AHCY: variants seen among roughly 807,000 people sequenced by gnomAD.
AHCY encodes S-adenosyl-L-homocysteine hydrolase.
A neutral mutation model predicts 45.4 loss-of-function variants in AHCY; 24 were observed. The ratio of observed to expected loss-of-function variants is 0.53; its 90% confidence interval spans 0.38 to 0.74. The LOEUF (loss-of-function observed/expected upper bound fraction) is 0.74. Ranked by LOEUF, AHCY falls within the 30% of genes least tolerant of loss-of-function variation. AHCY has a pLI of 0.00. For synonymous variants in AHCY, 245 were observed against 235.1 expected, an observed-to-expected ratio of 1.04 and a Z score of -0.39; for missense variants, 449 against 594.1, an observed-to-expected ratio of 0.76 and a Z score of 2.54.
the AHCY span, among the ~76,000 whole-genome samples, chr20:34,247,879 G>A: frequency 2.6e-5 from 4 of 152,154 alleles, no homozygotes; most frequent in South Asian, 8.3e-4. Context: ...TTACAGGCAT[G>A]AGCCATGGTG....
the AHCY span, among the ~76,000 whole-genome samples, chr20:34,273,366 T>C: frequency 3.3e-5 from 5 of 152,166 alleles, no homozygotes; most frequent in African/African-American, 1.2e-4. Flanking sequence ...CTCTGACTGA[T>C]TTACTTTTCA....
the AHCY span, among the ~76,000 whole-genome samples, chr20:34,271,831 C>T: frequency 3.3e-5 from 5 of 152,098 alleles, no homozygotes; most frequent in African/African-American, 7.2e-5. Context: ...TCCCAAAGTT[C>T]TGGGATTACA....
intron 2 of AHCY, 36 bp downstream of exon 2, chr20:34,295,359 G>A: frequency 6.2e-7 from 1 of 1,612,438 alleles, no homozygotes; most frequent in Non-Finnish European, 8.5e-7. Context: ...CCCAGGGAGG[G>A]CAAGGACTCT....
At chr20:34,240,356 C>T in the AHCY span, among the ~76,000 whole-genome samples, 2 of 152,048 alleles carry the variant, frequency 1.3e-5, no homozygotes, top group African/African-American at 2.4e-5. Context: ...CCTCCTGGTC[C>T]CTAGACTCTG....
At chr20:34,299,622 C>A (rs765680590) in intron 1 of AHCY, among the ~76,000 whole-genome samples, 3 of 152,198 alleles carry the variant, frequency 2.0e-5, no homozygotes. Context: ...TCGATGTGAT[C>A]CAACTGCCTC....
intron 9 of AHCY, among the ~76,000 whole-genome samples, chr20:34,282,452 C>G (rs560606533): frequency 6.6e-6 from 1 of 152,304 alleles, no homozygotes; most frequent in East Asian, 1.9e-4. Flanking sequence ...TCTTGACCCA[C>G]AGAAACTGAA....
chr20:34,266,469 T>TA, the AHCY span, among the ~76,000 whole-genome samples: 1,919 of 152,108 alleles, frequency 0.013, 39 homozygotes, highest in African/African-American at 0.044. Context: ...GGTTAAGAGT[T>TA]AGAGACCAGC....
chr20:34,253,822 G>A, the AHCY span, among the ~76,000 whole-genome samples: 1 of 152,094 alleles, frequency 6.6e-6, no homozygotes, highest in Non-Finnish European at 1.5e-5. Context: ...CCATTTAAAT[G>A]ACAGGTTCAT....
Position 34,281,364 on chromosome 20 carries a change from G to A in AHCY, c.1168-199C>T, listed in dbSNP as rs756397182. Among the ~76,000 whole-genome samples, 5 of 152,276 alleles carry A rather than the reference G, an allele frequency of 3.3e-5. No individual in the cohort carries two copies. The South Asian group carries it at 8.3e-4, about 25-fold the overall frequency. Reference sequence around the variant, plus strand: ...CCAGCCCCCCTCAAAAGGGAACCATGCCACACCCTCCCCTACATGTGGCTT... The same window carrying A: ...CCAGCCCCCCTCAAAAGGGAACCATACCACACCCTCCCCTACATGTGGCTT... On this transcript the variant is annotated intron_variant, in intron 9 of 9. Transcript: ENST00000217426.
intron 1 of AHCY, 153 bp downstream of exon 1, chr20:34,303,090 C>A: frequency 1.0e-6 from 1 of 984,658 alleles, no homozygotes; most frequent in Non-Finnish European, 1.2e-6. Flanking sequence ...GCGAGAACTC[C>A]AACTTCCAGC....
Position 34,298,617 on chromosome 20 carries a change from G to GC in AHCY, c.29-3033_29-3032insG, listed in dbSNP as rs1296896736. 2.1e-5 allele frequency among the ~76,000 whole-genome samples: 3 copies of GC among 146,028 alleles called. No individual in the cohort carries two copies. In the East Asian group the frequency reaches 6.6e-4, roughly 32 times the overall value. ...GAAGTGGCGGCGGCGGGAGGGGGGG[G>GC]GGTGTCTCCCTTTCCCCAGGGGAGT... is the stretch of plus-strand genomic sequence containing the variant. On this transcript the variant is annotated intron_variant, in intron 1 of 9. Coordinates refer to ENST00000217426, the MANE Select transcript of AHCY (RefSeq NM_000687.4).
downstream of AHCY, among the ~76,000 whole-genome samples, chr20:34,279,150 C>T (rs948390519): frequency 3.4e-5 from 5 of 148,490 alleles, no homozygotes; most frequent in Non-Finnish European, 7.4e-5. Flanking sequence ...CACGGTGGCT[C>T]ACGCTTCTAA....
At chr20:34,235,788 A>AGAAG in the AHCY span, among the ~76,000 whole-genome samples, 1 of 34,424 alleles carries the variant, frequency 2.9e-5, no homozygotes, top group African/African-American at 2.5e-4. Context: ...CTGAGAAAGA[A>AGAAG]GAAAGAAAGA....
At chr20:34,268,995 A>C in the AHCY span, 1 of 1,604,602 alleles carries the variant, frequency 6.2e-7, no homozygotes, top group South Asian at 1.1e-5. Context: ...ACGCAGAAGG[A>C]GGCTTCGATG....
chr20:34,282,644 C>T (rs1195426432), intron 9 of AHCY, among the ~76,000 whole-genome samples: 2 of 152,160 alleles, frequency 1.3e-5, no homozygotes, highest in African/African-American at 4.8e-5. Context: ...AATGACGTGT[C>T]CACGGTCACC....
chr20:34,281,587 G>A (rs1394842482), intron 9 of AHCY: 2 of 295,322 alleles, frequency 6.8e-6, no homozygotes, highest in Non-Finnish European at 1.3e-5. Context: ...TATTTTACAA[G>A]TGAAATGAAG....
chr20:34,269,286 T>G, the AHCY span: 1 of 1,276,678 alleles, frequency 7.8e-7, no homozygotes, highest in Non-Finnish European at 1.0e-6. Context: ...TTCCAGGAGA[T>G]GGGACTTCAG....
intron 3 of AHCY, 139 bp downstream of exon 3, chr20:34,293,942 G>A (rs2036486230): frequency 8.2e-6 from 7 of 849,330 alleles, no homozygotes; most frequent in South Asian, 7.2e-5. Context: ...TTCCTGTGGG[G>A]TCGCTGGGCT....
chr20:34,250,819 T>C, the AHCY span, among the ~76,000 whole-genome samples: 2 of 152,112 alleles, frequency 1.3e-5, no homozygotes, highest in East Asian at 3.9e-4. Context: ...TGGGAGACTG[T>C]AGTCCTTTCC....
Sources: allele counts gnomAD v4.1 joint callset (sites outside exome capture counted in the v4.1 genomes callset), GRCh38; gene constraint gnomAD v4.1.1; transcripts MANE v1.5; gene names NCBI Gene and HGNC (gene_info 2026-07-23, HGNC 2026-07-21).